The following ADGRV1 variants were observed in gnomAD, a reference collection of about 807,000 sequenced individuals.
ADGRV1 encodes the protein adhesion G protein-coupled receptor V1.
ADGRV1 carries 359 observed loss-of-function variants against 596.2 expected under a neutral mutation model. That is an observed-to-expected ratio of 0.60 (90% confidence interval 0.55 to 0.66). The LOEUF is 0.66. Ranked by LOEUF, ADGRV1 falls within the 30% of genes least tolerant of loss-of-function variation. The pLI is 0.00. For missense variants in ADGRV1, 7,274 were observed against 7,575.6 expected (o/e 0.96, Z 1.48); for synonymous variants, 2,681 against 2,679.2 (o/e 1.00, Z -0.02).
intron 1 of ADGRV1, among the ~76,000 whole-genome samples, chr5:90,569,692 A>G (rs1756271276): frequency 6.6e-6 from 1 of 151,102 alleles, no homozygotes. Flanking sequence ...TATCATTTTA[A>G]TTTTGTGGTT....
intron 1 of ADGRV1, among the ~76,000 whole-genome samples, chr5:90,609,919 T>C (rs932029558): frequency 6.6e-6 from 1 of 152,028 alleles, no homozygotes; most frequent in African/African-American, 2.4e-5. Flanking sequence ...AACTTTCAAA[T>C]TGAGGGAAGG....
chr5:91,107,369 G>A (rs1367137893), intron 87 of ADGRV1, among the ~76,000 whole-genome samples: 2 of 152,204 alleles, frequency 1.3e-5, no homozygotes, highest in Non-Finnish European at 2.9e-5. Context: ...GAGGCAGGAA[G>A]AACAGAAGAG....
At chr5:91,111,618 G>A (rs1472944212) in intron 87 of ADGRV1, among the ~76,000 whole-genome samples, 1 of 152,152 alleles carries the variant, frequency 6.6e-6, no homozygotes, top group Non-Finnish European at 1.5e-5. Flanking sequence ...TTGTTTCAAG[G>A]CACTCCCTTT....
intron 4 of ADGRV1, among the ~76,000 whole-genome samples, chr5:90,621,701 A>AGT (rs1764098426): frequency 6.6e-6 from 1 of 152,094 alleles, no homozygotes; most frequent in Non-Finnish European, 1.5e-5. Flanking sequence ...TGGGGGTCTC[A>AGT]GTGCTGCCAG....
chr5:91,056,909 C>CTAA (rs985272501), intron 85 of ADGRV1, among the ~76,000 whole-genome samples: 2 of 152,086 alleles, frequency 1.3e-5, no homozygotes, highest in Admixed American at 6.6e-5. Context: ...TCTCCATAGT[C>CTAA]TAAAATAAAC....
chr5:90,745,715 G>A lies in ADGRV1; in HGVS notation c.10894G>A (p.Ala3632Thr), dbSNP rs1754550083. The part of the protein sequence containing the change: ...KVQLKNPKGG[A>T]EIGINDSVTI... ...TCAACTTAAAAATCCCAAAGGAGGA[G>A]CAGAGATTGGCATTAATGATTCTGT... Residue 3632 changes from alanine to threonine, a missense_variant, in exon 52 of 90, where the codon GCA becomes ACA. Transcript: ENST00000405460. The A allele has an allele frequency of 6.2e-7, 1 of 1,611,874 alleles. No homozygotes were observed.
intron 84 of ADGRV1, among the ~76,000 whole-genome samples, chr5:90,972,731 A>G (rs1370227409): frequency 1.3e-5 from 2 of 152,198 alleles, no homozygotes; most frequent in African/African-American, 2.4e-5. Context: ...ATAGCACTAA[A>G]TGCCCACAAG....
intron 50 of ADGRV1, among the ~76,000 whole-genome samples, chr5:90,736,189 A>G (rs975441086): frequency 1.3e-5 from 2 of 151,532 alleles, no homozygotes; most frequent in Non-Finnish European, 2.9e-5. Context: ...TCATGAAAGG[A>G]TGTTGATTTT....
intron 85 of ADGRV1, among the ~76,000 whole-genome samples, chr5:90,998,655 G>A (rs1781603058): frequency 6.6e-6 from 1 of 151,940 alleles, no homozygotes; most frequent in Non-Finnish European, 1.5e-5. Context: ...TCAAGCAGTG[G>A]AATGACTCAA....
intron 57 of ADGRV1, among the ~76,000 whole-genome samples, chr5:90,757,924 T>A (rs369520358): frequency 1.3e-5 from 2 of 152,178 alleles, no homozygotes; most frequent in East Asian, 3.8e-4. Flanking sequence ...TTGTTGCTCA[T>A]GGGGGGCGGT....
rs771423309 is a variant in ADGRV1 at position 90,855,980 on chromosome 5, T to A, written c.17755+79T>A. The stretch of plus-strand genomic sequence containing the variant: ...TCTGTTTTCCCATAATCCTTTTACG[T>A]ATGCAAGATGCAAACATACCGTAAT... On this transcript the variant is annotated intron_variant, in intron 82 of 89. Transcript: ENST00000405460. 8 of 1,159,616 alleles carry A rather than the reference T, an allele frequency of 6.9e-6. No homozygotes were observed. The African/African-American group carries it at 7.6e-5, about 11-fold the overall frequency. The allele number at this position is 1,159,616 out of a possible 1,614,324, so 71.8% of individuals were successfully genotyped here.
intron 85 of ADGRV1, among the ~76,000 whole-genome samples, chr5:91,039,097 G>A (rs1440577716): frequency 6.6e-6 from 1 of 152,048 alleles, no homozygotes; most frequent in East Asian, 1.9e-4. Flanking sequence ...CAATATATAA[G>A]TTATTCCTTA....
At chr5:90,917,368 T>G (rs1387833809) in intron 83 of ADGRV1, among the ~76,000 whole-genome samples, 2 of 150,820 alleles carry the variant, frequency 1.3e-5, no homozygotes, top group South Asian at 2.1e-4. Context: ...TAGGTTATTC[T>G]AATTTAAGTG....
At chr5:90,922,551 A>G (rs1299720988) in intron 83 of ADGRV1, among the ~76,000 whole-genome samples, 1 of 151,874 alleles carries the variant, frequency 6.6e-6, no homozygotes, top group African/African-American at 2.4e-5. Context: ...CTGGAAAGCT[A>G]TTTTTCCCTT....
chr5:90,642,360 G>C (rs1767074273), intron 11 of ADGRV1, among the ~76,000 whole-genome samples: 1 of 151,912 alleles, frequency 6.6e-6, no homozygotes, highest in African/African-American at 2.4e-5. Context: ...ATAACATTTG[G>C]TTACAGTATT....
chr5:90,753,793 G>T lies in ADGRV1; in HGVS notation c.11341G>T (p.Ala3781Ser). ...DSPFGLVGWR[A>S]ASVFIRVAEP... The stretch of plus-strand genomic sequence containing the variant: ...ACCTTTTGGCTTGGTGGGCTGGCGT[G>T]CTGCGTCTGTCTTCATTAGAGTAGC... Residue 3781 changes from alanine to serine, a missense_variant, in exon 54 of 90, where the codon GCT becomes TCT. Around this residue, in one of 5 missense-constraint regions of ADGRV1, gnomAD observed 3,643 missense variants for 3,809.2 expected, o/e 0.96. Coordinates refer to ENST00000405460, the MANE Select transcript of ADGRV1 (RefSeq NM_032119.4). 1.2e-6 allele frequency: 2 copies of T among 1,611,312 alleles called. No individual in the cohort carries two copies. The highest frequency in any genetic ancestry group is 1.7e-6 in the Non-Finnish European group (2 of 1,178,380).
At chr5:90,583,507 C>T (rs913764550) in intron 1 of ADGRV1, among the ~76,000 whole-genome samples, 5 of 152,038 alleles carry the variant, frequency 3.3e-5, no homozygotes, top group African/African-American at 1.2e-4. Context: ...AATTCCATTC[C>T]TACTCTTCTA....
At chr5:91,136,723 A>G (rs1292963570) in intron 87 of ADGRV1, among the ~76,000 whole-genome samples, 2 of 152,242 alleles carry the variant, frequency 1.3e-5, no homozygotes, top group African/African-American at 2.4e-5. Context: ...TGAGGTTCAT[A>G]TAAATAAAAT....
At chr5:91,067,142 A>AT (rs35645124) in intron 85 of ADGRV1, among the ~76,000 whole-genome samples, 76,648 of 130,400 alleles carry the variant, frequency 0.59, 23,277 homozygotes, top group South Asian at 0.68. Context: ...TGCAAAGGAG[A>AT]TTTTTTTTTT....
Sources: allele counts gnomAD v4.1 joint callset (sites outside exome capture counted in the v4.1 genomes callset), GRCh38; gene constraint gnomAD v4.1.1; regional missense constraint gnomAD v4.1.1; transcripts MANE v1.5; gene names NCBI Gene and HGNC (gene_info 2026-07-23, HGNC 2026-07-21).